The following DACH2 variants were observed in gnomAD, a reference collection of about 807,000 sequenced individuals.
DACH2 encodes dachshund homolog 2.
In DACH2, 17 loss-of-function variants were observed where a neutral mutation model predicts 35.8. The observed-to-expected ratio is 0.48, with a 90% CI of 0.33 to 0.71. DACH2 has a LOEUF of 0.71. Among genes scored for constraint, DACH2 ranks in the 30% least tolerant of loss-of-function variants. The pLI, the probability that DACH2 is intolerant of heterozygous loss-of-function variation, is 0.02. For synonymous variants in DACH2, 195 were observed against 177.3 expected (o/e 1.10, Z -0.79); for missense variants, 469 against 472.7 (o/e 0.99, Z 0.07).
At chrX:86,519,135 C>T (rs1238119178) in intron 3 of DACH2, among the ~76,000 whole-genome samples, 2 of 111,916 alleles carry the variant, frequency 1.8e-5, no homozygotes, top group African/African-American at 6.5e-5. Flanking sequence ...TAAACCAGTT[C>T]TGCATCTATT....
At chrX:86,772,559 G>C (rs1012267007) in intron 7 of DACH2, among the ~76,000 whole-genome samples, 1 of 111,409 alleles carries the variant, frequency 9.0e-6, no homozygotes, top group Admixed American at 9.6e-5. Flanking sequence ...GAATAGTGGA[G>C]ATAGAATACT....
intron 3 of DACH2, among the ~76,000 whole-genome samples, chrX:86,630,083 G>A (rs1008886151): frequency 9.0e-6 from 1 of 110,879 alleles, no homozygotes; most frequent in African/African-American, 3.3e-5. Flanking sequence ...AATAGATTTA[G>A]TGCAGCATTT....
rs1252929973 is a variant in DACH2, at chrX:86,803,551, A to C, written c.1241-9305A>C. ...ATTCATGTACAATCTTGTCTTTTTGAATAAAAAAGAAATAGTGGAATCAAT... is the reference window on the plus strand; with the variant it reads ...ATTCATGTACAATCTTGTCTTTTTGCATAAAAAAGAAATAGTGGAATCAAT... On this transcript the variant is annotated intron_variant, in intron 7 of 11. Coordinates refer to ENST00000373125, the MANE Select transcript of DACH2 (RefSeq NM_053281.3). Among the ~76,000 whole-genome samples, 3 of 110,583 alleles carry C rather than the reference A, an allele frequency of 2.7e-5. No homozygotes were observed. In the Admixed American group the frequency reaches 2.9e-4, roughly 11 times the overall value.
intron 2 of DACH2, among the ~76,000 whole-genome samples, chrX:86,503,483 C>T (rs754058069): frequency 8.9e-6 from 1 of 112,002 alleles, no homozygotes; most frequent in African/African-American, 3.2e-5. Context: ...AGTTACATTG[C>T]CCTTTTGGCA....
At chrX:86,212,273 A>G in intron 1 of DACH2, among the ~76,000 whole-genome samples, 2 of 111,888 alleles carry the variant, frequency 1.8e-5, no homozygotes, top group Middle Eastern at 4.7e-3. Flanking sequence ...TGTGTATATA[A>G]ATAGACATTA....
chrX:86,812,902 G>C lies in DACH2; in HGVS notation c.1287G>C (p.Lys429Asn). The change falls in exon 8 of 12, where the codon AAG becomes AAC. Residue 429 changes from lysine to asparagine, a missense_variant. Physicochemically the swap from Lys to Asn is moderately conservative, Grantham distance 94. Around this residue, in one of 3 missense-constraint regions of DACH2, gnomAD observed 363 missense variants for 334.4 expected, o/e 1.09. Transcript: ENST00000373125. ...QIPIMKSPLD[K>N]IQLTPGQALP... Reference sequence around the variant, plus strand: ...CAATAATGAAGTCACCCTTGGACAAGATACAGCTGACTCCTGGGCAGGCAT... The same window carrying C: ...CAATAATGAAGTCACCCTTGGACAACATACAGCTGACTCCTGGGCAGGCAT... 1 of 1,207,239 alleles carries C rather than the reference G, an allele frequency of 8.3e-7. No individual in the cohort carries two copies. The highest frequency in any genetic ancestry group is 1.8e-5 in the South Asian group (1 of 56,423).
chrX:86,445,781 T>C (rs1466904224), intron 2 of DACH2, among the ~76,000 whole-genome samples: 3 of 110,976 alleles, frequency 2.7e-5, no homozygotes, highest in Non-Finnish European at 5.7e-5. Flanking sequence ...GCATAATATA[T>C]GATCTATCCT....
intron 6 of DACH2, among the ~76,000 whole-genome samples, chrX:86,726,212 C>T (rs954679044): frequency 9.9e-5 from 11 of 111,247 alleles, no homozygotes; most frequent in African/African-American, 3.3e-4. Flanking sequence ...CTCACAGAAG[C>T]GGTAGCAGGG....
intron 3 of DACH2, among the ~76,000 whole-genome samples, chrX:86,646,094 C>T (rs1437277251): frequency 9.0e-6 from 1 of 111,479 alleles, no homozygotes; most frequent in Non-Finnish European, 1.9e-5. Flanking sequence ...ACACATACAA[C>T]ATGGGATACT....
At chrX:86,466,152 G>A (rs1276477008) in intron 2 of DACH2, among the ~76,000 whole-genome samples, 8 of 111,446 alleles carry the variant, frequency 7.2e-5, no homozygotes, top group Non-Finnish European at 9.4e-5. Context: ...CTTACATGGT[G>A]GCAGCAAGAG....
intron 2 of DACH2, among the ~76,000 whole-genome samples, chrX:86,502,252 A>C (rs1304894548): frequency 9.0e-6 from 1 of 111,481 alleles, no homozygotes; most frequent in East Asian, 2.8e-4. Flanking sequence ...TAAATAATTT[A>C]AGTTGATAAA....
intron 1 of DACH2, among the ~76,000 whole-genome samples, chrX:86,194,503 C>T (rs1352953873): frequency 9.0e-6 from 1 of 111,666 alleles, no homozygotes. Context: ...GGGGAAACAA[C>T]CTGGAAACCC....
chrX:86,610,096 G>A lies in DACH2; in HGVS notation c.641-40940G>A, dbSNP rs142484545. On this transcript the variant is annotated intron_variant, in intron 3 of 11. Coordinates refer to ENST00000373125, the MANE Select transcript of DACH2 (RefSeq NM_053281.3). The stretch of plus-strand genomic sequence containing the variant: ...AGGAGGTTCTAAGTGCCATCCAGCA[G>A]CTAGGGACTAGCTAGGGACTAGAAT... Among the ~76,000 whole-genome samples the A allele has an allele frequency of 2.9e-3, 330 of 111,873 alleles. 1 individual carries two copies. Among genetic ancestry groups the A allele is most frequent in the African/African-American group, 0.011 (328 of 30,753 alleles).
At chrX:86,382,911 G>A (rs955960103) in intron 2 of DACH2, among the ~76,000 whole-genome samples, 1 of 110,637 alleles carries the variant, frequency 9.0e-6, no homozygotes, top group Non-Finnish European at 1.9e-5. Flanking sequence ...GTTTGTTAAC[G>A]GACTGTGGGG....
At chrX:86,769,068 G>C (rs186021574) in intron 7 of DACH2, among the ~76,000 whole-genome samples, 22 of 110,599 alleles carry the variant, frequency 2.0e-4, no homozygotes, top group Admixed American at 1.9e-3. Flanking sequence ...CAAAAAAAAA[G>C]ATCATCTCAA....
At chrX:86,532,318 G>GT (rs1328415120) in intron 3 of DACH2, among the ~76,000 whole-genome samples, 1 of 111,429 alleles carries the variant, frequency 9.0e-6, no homozygotes, top group African/African-American at 3.3e-5. Flanking sequence ...TAATGATGTA[G>GT]TTTGTCTCTG....
chrX:86,245,474 C>A (rs1367477842), intron 1 of DACH2, among the ~76,000 whole-genome samples: 1 of 111,746 alleles, frequency 8.9e-6, no homozygotes, highest in African/African-American at 3.3e-5. Context: ...CCCTTTAGAG[C>A]AGAAGGTGTT....
chrX:86,288,235 GA>G lies in DACH2; in HGVS notation c.489-88585del, dbSNP rs752212236. 3.7e-4 allele frequency among the ~76,000 whole-genome samples: 40 copies of G among 109,337 alleles called. 1 individual carries two copies. The highest frequency in any genetic ancestry group is 1.3e-3 in the Admixed American group (13 of 10,129). The allele number at this position is 109,337 out of a possible 115,157, so 94.9% of individuals were successfully genotyped here. A position where few individuals can be genotyped will look rare whatever the true frequency, so the allele number is the denominator to read the frequency against. On this transcript the variant is annotated intron_variant, in intron 1 of 11. Coordinates refer to ENST00000373125, the MANE Select transcript of DACH2 (RefSeq NM_053281.3). ...GTTCTTCTCCCTTACTATCTCCCAAGAAAAGGAGTCTTTCCCTCTGTTCTGA... is the reference window on the plus strand; with the variant it reads ...GTTCTTCTCCCTTACTATCTCCCAAGAAAGGAGTCTTTCCCTCTGTTCTGA...
At chrX:86,502,886 G>A (rs748944724) in intron 2 of DACH2, among the ~76,000 whole-genome samples, 4 of 111,500 alleles carry the variant, frequency 3.6e-5, no homozygotes, top group African/African-American at 9.8e-5. Flanking sequence ...ATCAGCTATC[G>A]TTAGTATTAG....
Sources: gnomAD v4.1 joint callset for allele counts (sites outside exome capture counted in the v4.1 genomes callset) on GRCh38, gnomAD v4.1.1 for gene constraint, gnomAD v4.1.1 regional missense constraint, MANE v1.5 for transcripts, NCBI Gene and HGNC (gene_info 2026-07-23, HGNC 2026-07-21) for gene names.